Variants in KALRN observed in about 807,000 individuals in gnomAD.
KALRN encodes the protein kalirin.
Under a neutral mutation model 353.7 loss-of-function variants are expected in KALRN, and 70 were observed. That is an observed-to-expected ratio of 0.20 (90% confidence interval 0.16 to 0.24). KALRN has a LOEUF of 0.24. KALRN is among the 10% of genes least tolerant of loss of function. The pLI is 1.00. For synonymous variants in KALRN, 1,391 were observed against 1,434.8 expected (o/e 0.97, Z 0.69); for missense variants, 2,791 against 3,756.7 (o/e 0.74, Z 6.72).
At chr3:124,485,478 C>T (rs138573427) in intron 28 of KALRN, among the ~76,000 whole-genome samples, 34 of 152,088 alleles carry the variant, frequency 2.2e-4, no homozygotes, top group South Asian at 6.2e-4. Flanking sequence ...GACCTTTGTT[C>T]GGGAATTGAG....
At chr3:124,560,897 C>T (rs772017860) in intron 33 of KALRN, among the ~76,000 whole-genome samples, 2 of 152,130 alleles carry the variant, frequency 1.3e-5, no homozygotes, top group Non-Finnish European at 2.9e-5. Context: ...AAGGCATTCC[C>T]AGGCCCTAAC....
chr3:124,377,410 A>G (rs1233050555), intron 10 of KALRN, among the ~76,000 whole-genome samples: 1 of 152,086 alleles, frequency 6.6e-6, no homozygotes, highest in Non-Finnish European at 1.5e-5. Flanking sequence ...GTCAGAGAAA[A>G]TATGTTGTAT....
At chr3:124,704,787 C>A (rs183457446) in intron 57 of KALRN, among the ~76,000 whole-genome samples, 183 of 152,214 alleles carry the variant, frequency 1.2e-3, no homozygotes, top group African/African-American at 3.9e-3. Context: ...TGAGCTCAAG[C>A]AATCCACCCA....
rs529810541 is a variant in KALRN, at chr3:124,587,698, CT to C, written c.5182+24634del. Among the ~76,000 whole-genome samples the C allele has an allele frequency of 8.3e-3, 630 of 75,776 alleles. 1 individual carries two copies. Among genetic ancestry groups the C allele is most frequent in the African/African-American group, 0.033 (520 of 15,708 alleles). The allele number at this position is 75,776 out of a possible 152,430, so 49.7% of individuals were successfully genotyped here. A position where few individuals can be genotyped will look rare whatever the true frequency, so the allele number is the denominator to read the frequency against. On this transcript the variant is annotated intron_variant, in intron 34 of 59. Coordinates refer to ENST00000682506, the MANE Select transcript of KALRN (RefSeq NM_001388419.1). ...TTTTTCCCTCCACCCCCACCCTCCA[CT>C]TTTTTTTTTTTTTTTTTTTTTTTTG... is the stretch of plus-strand genomic sequence containing the variant.
At chr3:124,343,629 C>A (rs1189722848) in intron 9 of KALRN, among the ~76,000 whole-genome samples, 1 of 152,206 alleles carries the variant, frequency 6.6e-6, no homozygotes, top group Non-Finnish European at 1.5e-5. Flanking sequence ...CCTATGCAAG[C>A]CATGCTGGTC....
In KALRN at chr3:124,715,441, G is replaced by T. The variant is rs115213623; in HGVS notation, c.8277-1806G>T. 2.1e-3 allele frequency among the ~76,000 whole-genome samples: 325 copies of T among 152,312 alleles called. 3 individuals are homozygous for T. Among genetic ancestry groups the T allele is most frequent in the African/African-American group, 7.7e-3 (322 of 41,566 alleles). ...TCCAAAAGCTCTAAAGGTGAACTTG[G>T]TGGCTAAGACTCTCTCACTTGGAGC... is the stretch of plus-strand genomic sequence containing the variant. On this transcript the variant is annotated intron_variant, in intron 58 of 59. Transcript: ENST00000682506.
chr3:124,674,245 C>A, intron 48 of KALRN, 119 bp from the exon 49 acceptor site: 1 of 929,394 alleles, frequency 1.1e-6, no homozygotes, highest in Non-Finnish European at 1.6e-6. Context: ...GAGAATGCTG[C>A]CTGCTGCCTA....
intron 1 of KALRN, chr3:124,095,658 T>G (rs2061399750): frequency 6.6e-6 from 1 of 152,260 alleles, no homozygotes; most frequent in South Asian, 2.1e-4. Flanking sequence ...TAATACATTT[T>G]ATCAAATATT....
chr3:124,342,855 G>GA (rs149025400), intron 9 of KALRN, among the ~76,000 whole-genome samples: 2,166 of 151,904 alleles, frequency 0.014, 45 homozygotes, highest in African/African-American at 0.048. Flanking sequence ...AAATCTTAAG[G>GA]AAAAAAAATA....
chr3:124,479,456 C>G (rs1042029969), intron 27 of KALRN, among the ~76,000 whole-genome samples: 1 of 152,136 alleles, frequency 6.6e-6, no homozygotes, highest in African/African-American at 2.4e-5. Context: ...GTTTCCCTAA[C>G]TTCTACACTT....
intron 13 of KALRN, among the ~76,000 whole-genome samples, chr3:124,408,627 A>G (rs1177474799): frequency 6.6e-6 from 1 of 152,218 alleles, no homozygotes; most frequent in African/African-American, 2.4e-5. Flanking sequence ...GCCAACATCT[A>G]AACACTGATC....
chr3:124,533,858 G>A (rs1479716131), intron 33 of KALRN, among the ~76,000 whole-genome samples: 1 of 152,172 alleles, frequency 6.6e-6, no homozygotes, highest in Non-Finnish European at 1.5e-5. Flanking sequence ...AGAGTACAGT[G>A]TGAAAGGGAG....
At chr3:124,539,569 A>G (rs1258201930) in intron 33 of KALRN, among the ~76,000 whole-genome samples, 1 of 152,206 alleles carries the variant, frequency 6.6e-6, no homozygotes, top group African/African-American at 2.4e-5. Context: ...GAATGCAGAT[A>G]CTTTGCCCAG....
At chr3:124,509,767 GACAA>G (rs1277507212) in intron 33 of KALRN, among the ~76,000 whole-genome samples, 3 of 152,200 alleles carry the variant, frequency 2.0e-5, no homozygotes, top group Non-Finnish European at 4.4e-5. Flanking sequence ...TTAGATGTCT[GACAA>G]ACAGCCAAAA....
intron 27 of KALRN, among the ~76,000 whole-genome samples, chr3:124,478,303 T>A (rs1225824825): frequency 6.6e-6 from 1 of 152,198 alleles, no homozygotes; most frequent in African/African-American, 2.4e-5. Context: ...TTTTCATAAA[T>A]ATTTGGATGT....
At position 124,253,371 on chromosome 3, in the gene KALRN, T is replaced by G. The variant is rs559250102; in HGVS notation, c.264-11127T>G. Among the ~76,000 whole-genome samples, 187 of 152,338 alleles carry G rather than the reference T, an allele frequency of 1.2e-3. 1 individual carries two copies. The highest frequency in any genetic ancestry group is 4.2e-3 in the African/African-American group (175 of 41,578). The stretch of plus-strand genomic sequence containing the variant: ...TAGGGTAGACATGGGTGCAGCACAG[T>G]TCTGGGAGAAAGTGTGAAGTGGATA... On this transcript the variant is annotated intron_variant, in intron 3 of 59. Transcript: ENST00000682506.
At chr3:124,054,088 C>T (rs889606818) in intron 1 of KALRN, among the ~76,000 whole-genome samples, 9 of 152,186 alleles carry the variant, frequency 5.9e-5, no homozygotes, top group African/African-American at 1.9e-4. Context: ...CTAACCTTTC[C>T]AATATGCTTT....
intron 1 of KALRN, among the ~76,000 whole-genome samples, chr3:124,111,712 A>G (rs16845608): frequency 0.13 from 20,439 of 152,194 alleles, 1,876 homozygotes; most frequent in African/African-American, 0.26. Context: ...TATAGGGGGC[A>G]TGTTCATTGA....
chr3:124,177,548 T>C (rs1349646957), intron 1 of KALRN, among the ~76,000 whole-genome samples: 1 of 152,168 alleles, frequency 6.6e-6, no homozygotes, highest in African/African-American at 2.4e-5. Context: ...AAGTGATCAT[T>C]TTTCAGGCTC....
Sources: gnomAD v4.1 joint callset for allele counts (sites outside exome capture counted in the v4.1 genomes callset) on GRCh38, gnomAD v4.1.1 for gene constraint, MANE v1.5 for transcripts, NCBI Gene and HGNC (gene_info 2026-07-23, HGNC 2026-07-21) for gene names.